Variants in CCDC171 observed in about 807,000 individuals in gnomAD.
CCDC171 encodes the protein coiled-coil domain containing 171.
In CCDC171, 177 loss-of-function variants were observed where a neutral mutation model predicts 168.2. The ratio of observed to expected loss-of-function variants is 1.05; its 90% CI spans 0.93 to 1.19. The LOEUF is 1.19. Ranked by LOEUF, CCDC171 falls within the 50% of genes most tolerant of loss-of-function variation. The pLI, the probability that CCDC171 is intolerant of heterozygous loss-of-function variation, is 0.00. For missense variants in CCDC171, 1,991 were observed against 1,539.0 expected (o/e 1.29, Z -4.91); for synonymous variants, 687 against 540.8 (o/e 1.27, Z -3.75).
chr9:16,032,434 C>G (rs1011026904), intron 6 of CCDC171, among the ~76,000 whole-genome samples: 1 of 152,132 alleles, frequency 6.6e-6, no homozygotes, highest in Admixed American at 6.5e-5. Context: ...ACTGGCCATG[C>G]ACGAGACGCC....
intron 21 of CCDC171, among the ~76,000 whole-genome samples, chr9:15,786,970 AGACCAC>A (rs2057996600): frequency 6.6e-6 from 1 of 152,132 alleles, no homozygotes; most frequent in African/African-American, 2.4e-5. Flanking sequence ...TTTTGGACTC[AGACCAC>A]TTGCACCCAA....
rs1479660810 is a variant in CCDC171, at chr9:15,973,139, G to A, written c.*1303G>A. On this transcript the variant is annotated 3_prime_UTR_variant, in exon 26 of 26. Transcript: ENST00000380701. ...GTAAGTGAAGAACAAAAGAATATTTGTAGTAAGAATTTGTTTTTGTATTAA... is the reference window on the plus strand; with the variant it reads ...GTAAGTGAAGAACAAAAGAATATTTATAGTAAGAATTTGTTTTTGTATTAA... 1 of 152,140 alleles carries A rather than the reference G, an allele frequency of 6.6e-6. No individual in the cohort carries two copies. The highest frequency in any genetic ancestry group is 1.5e-5 in the Non-Finnish European group (1 of 68,028). 9.4% of individuals were successfully genotyped at this position (152,140 alleles called of 1,614,324 possible). A position where few individuals can be genotyped will look rare whatever the true frequency, so the allele number is the denominator to read the frequency against.
chr9:15,679,561 C>G (rs1418256153), intron 10 of CCDC171, among the ~76,000 whole-genome samples: 6 of 152,010 alleles, frequency 3.9e-5, no homozygotes, highest in African/African-American at 1.4e-4. Context: ...CTTTTCTTTT[C>G]TTTTTGAAGA....
intron 21 of CCDC171, among the ~76,000 whole-genome samples, chr9:15,793,732 T>C (rs2058404068): frequency 6.6e-6 from 1 of 151,760 alleles, no homozygotes; most frequent in Admixed American, 6.6e-5. Context: ...ATATTTTTAT[T>C]AGGACAGTGT....
At chr9:15,930,949 A>G (rs560624451) in intron 25 of CCDC171, among the ~76,000 whole-genome samples, 1 of 151,690 alleles carries the variant, frequency 6.6e-6, no homozygotes, top group East Asian at 2.0e-4. Flanking sequence ...TGCATTTATC[A>G]TTTATTTGTG....
chr9:16,066,828 A>G, the CCDC171 span, among the ~76,000 whole-genome samples: 1 of 148,722 alleles, frequency 6.7e-6, no homozygotes, highest in South Asian at 2.2e-4. Context: ...TCCATGGTGT[A>G]TATGTGCCAC....
intron 3 of CCDC171, among the ~76,000 whole-genome samples, chr9:15,984,231 C>T (rs142650919): frequency 7.9e-5 from 12 of 152,340 alleles, no homozygotes; most frequent in African/African-American, 2.6e-4. Flanking sequence ...AAAGCATAGA[C>T]TTCCAGGCCT....
At chr9:15,594,216 C>T in intron 6 of CCDC171, 44 bp downstream of exon 6, 1 of 1,043,040 alleles carries the variant, frequency 9.6e-7, no homozygotes, top group Non-Finnish European at 1.4e-6. Context: ...ATTTTTAATG[C>T]TTATGATATT....
intron 18 of CCDC171, among the ~76,000 whole-genome samples, chr9:15,751,881 A>G (rs1459663464): frequency 6.6e-6 from 1 of 152,248 alleles, no homozygotes; most frequent in Non-Finnish European, 1.5e-5. Flanking sequence ...ACCAAAAGCA[A>G]TGGCAACAAA....
chr9:15,784,703 A>G lies in CCDC171; in HGVS notation c.3267+9A>G, dbSNP rs1459355136. 1 of 1,599,018 alleles carries G rather than the reference A, an allele frequency of 6.3e-7. No individual in the cohort carries two copies. Among genetic ancestry groups the G allele is most frequent in the Admixed American group, 1.7e-5 (1 of 59,414 alleles). On this transcript the variant is annotated intron_variant, in intron 21 of 25. Coordinates refer to ENST00000380701, the MANE Select transcript of CCDC171 (RefSeq NM_173550.4). ...TTGGAGAAGCTGTTAAGGTAAGAGAATAAAGGGATATTTGCATAAAGGGAT... is the reference window on the plus strand; with the variant it reads ...TTGGAGAAGCTGTTAAGGTAAGAGAGTAAAGGGATATTTGCATAAAGGGAT...
rs1250468335 is a variant in CCDC171, at chr9:15,623,370, A to G, written c.779A>G (p.Glu260Gly). The change falls in exon 7 of 26, where the codon GAA becomes GGA. Residue 260 changes from glutamate (E) to glycine (G), a missense_variant. Coordinates refer to ENST00000380701, the MANE Select transcript of CCDC171 (RefSeq NM_173550.4). ...DLLRRQTSELEFSTQREERLR... is the reference protein window; with the variant it reads ...DLLRRQTSELGFSTQREERLR... ...TTACGGCGACAAACAAGTGAACTTG[A>G]ATTTAGCACTCAACGAGAGGAACGC... 1.9e-6 allele frequency: 3 copies of G among 1,612,242 alleles called. No homozygotes were observed. The highest frequency in any genetic ancestry group is 1.3e-5 in the African/African-American group (1 of 75,010).
At chr9:16,033,345 A>G (rs1021754066) in intron 6 of CCDC171, among the ~76,000 whole-genome samples, 24 of 152,192 alleles carry the variant, frequency 1.6e-4, no homozygotes, top group African/African-American at 5.8e-4. Flanking sequence ...ATCTGTACTT[A>G]CAGCCACTCT....
chr9:15,952,138 A>G (rs986978255), intron 25 of CCDC171, among the ~76,000 whole-genome samples: 4 of 151,984 alleles, frequency 2.6e-5, no homozygotes, highest in Non-Finnish European at 5.9e-5. Flanking sequence ...GAAAAGACGT[A>G]TTTTTTCCCC....
chr9:15,706,499 G>C (rs186190688), intron 11 of CCDC171, among the ~76,000 whole-genome samples: 121 of 152,102 alleles, frequency 8.0e-4, no homozygotes, highest in African/African-American at 2.6e-3. Context: ...TGTTGCCCAG[G>C]CTGGTCTCCA....
intron 21 of CCDC171, among the ~76,000 whole-genome samples, chr9:15,842,859 A>C (rs2060740797): frequency 6.6e-6 from 1 of 151,896 alleles, no homozygotes; most frequent in South Asian, 2.1e-4. Flanking sequence ...TATGACTTAA[A>C]ATAATTTTTG....
At chr9:15,736,438 C>A (rs1172989299) in intron 16 of CCDC171, among the ~76,000 whole-genome samples, 1 of 151,942 alleles carries the variant, frequency 6.6e-6, no homozygotes, top group Non-Finnish European at 1.5e-5. Context: ...GCAGCCTCAA[C>A]CTCCCAGGCT....
chr9:15,837,830 C>T (rs188633561), intron 21 of CCDC171, among the ~76,000 whole-genome samples: 6 of 152,278 alleles, frequency 3.9e-5, no homozygotes, highest in East Asian at 1.9e-4. Flanking sequence ...ATGGGAAAGC[C>T]GGTACCAACC....
intron 6 of CCDC171, among the ~76,000 whole-genome samples, chr9:16,029,839 C>A (rs1833338659): frequency 6.6e-6 from 1 of 152,164 alleles, no homozygotes; most frequent in Non-Finnish European, 1.5e-5. Flanking sequence ...CTAGCTGGAC[C>A]ATAGCTCCTT....
intron 4 of CCDC171, among the ~76,000 whole-genome samples, chr9:16,020,965 G>A (rs1833144694): frequency 6.6e-6 from 1 of 152,206 alleles, no homozygotes; most frequent in Middle Eastern, 3.2e-3. Flanking sequence ...AGCTTAAGTA[G>A]GAAGATACAC....
Sources: gnomAD v4.1 joint callset for allele counts (sites outside exome capture counted in the v4.1 genomes callset) on GRCh38, gnomAD v4.1.1 for gene constraint, MANE v1.5 for transcripts, NCBI Gene and HGNC (gene_info 2026-07-23, HGNC 2026-07-21) for gene names.